ZC2HC1A: variants seen among roughly 807,000 people sequenced by gnomAD.
The protein encoded by ZC2HC1A is zinc finger C2HC domain-containing protein 1A.
In ZC2HC1A, 28 loss-of-function variants were observed where a neutral mutation model predicts 40.7. The observed-to-expected ratio is 0.69, with a 90% confidence interval of 0.51 to 0.94. The LOEUF is 0.94. Among genes scored for constraint, ZC2HC1A ranks in the 40% least tolerant of loss-of-function variants. The pLI is 0.00. For missense variants in ZC2HC1A, 389 were observed against 386.3 expected (o/e 1.01, Z -0.06); for synonymous variants, 129 against 129.2 (o/e 1.00, Z 0.01).
chr8:78,677,010 G>A (rs1284619719), intron 2 of ZC2HC1A, among the ~76,000 whole-genome samples: 4 of 151,926 alleles, frequency 2.6e-5, no homozygotes, highest in Non-Finnish European at 5.9e-5. Context: ...ATACTTAAGA[G>A]CTGTAATTAC....
At chr8:78,696,944 A>T (rs917270444) in intron 5 of ZC2HC1A, among the ~76,000 whole-genome samples, 5 of 152,176 alleles carry the variant, frequency 3.3e-5, no homozygotes, top group Non-Finnish European at 7.3e-5. Flanking sequence ...CTTAACTTTG[A>T]GGAAGTTTTT....
At chr8:78,703,184 A>C (rs891275337) in intron 7 of ZC2HC1A, among the ~76,000 whole-genome samples, 19 of 152,288 alleles carry the variant, frequency 1.2e-4, no homozygotes, top group Admixed American at 6.5e-5. Flanking sequence ...GGCATGAGCC[A>C]CCGCGCCTGG....
intron 3 of ZC2HC1A, among the ~76,000 whole-genome samples, chr8:78,682,134 C>T (rs539284844): frequency 6.6e-6 from 1 of 152,134 alleles, no homozygotes; most frequent in East Asian, 1.9e-4. Context: ...TTGGGTATCT[C>T]AATAATATTA....
rs914415096 is a variant in ZC2HC1A at position 78,666,096 on chromosome 8, G to A, written c.-53G>A. The A allele has an allele frequency of 6.4e-7, 1 of 1,555,064 alleles. No individual in the cohort carries two copies. Among genetic ancestry groups the A allele is most frequent in the African/African-American group, 1.4e-5 (1 of 73,476 alleles). On this transcript the variant is annotated 5_prime_UTR_variant, in exon 1 of 9. Transcript: ENST00000263849. ...GGCTGGGTTGCTACAGCCAGAGCTG[G>A]GCGGTGGCGGGCGCTGCTGAAGGAG...
intron 3 of ZC2HC1A, among the ~76,000 whole-genome samples, chr8:78,680,143 G>T (rs1266315549): frequency 6.6e-6 from 1 of 152,070 alleles, no homozygotes; most frequent in East Asian, 1.9e-4. Flanking sequence ...GATTACATAA[G>T]ATTATCCATG....
At chr8:78,671,640 A>G (rs1585974043) in intron 1 of ZC2HC1A, among the ~76,000 whole-genome samples, 1 of 149,604 alleles carries the variant, frequency 6.7e-6, no homozygotes, top group East Asian at 2.0e-4. Flanking sequence ...GCCTCATTTA[A>G]CTGTTGTTAA....
chr8:78,689,114 A>G, intron 4 of ZC2HC1A, 108 bp from the exon 5 acceptor site: 1 of 770,344 alleles, frequency 1.3e-6, no homozygotes, highest in Non-Finnish European at 1.8e-6. Flanking sequence ...TTTGCTTATC[A>G]GATGTTATTA....
intron 5 of ZC2HC1A, among the ~76,000 whole-genome samples, chr8:78,692,078 G>T (rs966283311): frequency 8.5e-5 from 13 of 152,052 alleles, no homozygotes; most frequent in African/African-American, 3.1e-4. Flanking sequence ...ATTTTGAAAG[G>T]TATAATACAT....
In ZC2HC1A at chr8:78,678,545, ATTTC is replaced by A; in HGVS notation, c.94-14_94-11del. On this transcript the variant is annotated splice_polypyrimidine_tract_variant and intron_variant, in intron 2 of 8. Coordinates refer to ENST00000263849, the MANE Select transcript of ZC2HC1A (RefSeq NM_016010.3). The stretch of plus-strand genomic sequence containing the variant: ...TGTAGAAAAGAAAATGATAGGCTGC[ATTTC>A]TTTATCTTAACAGAAAAAACATGGA... 1 of 1,581,502 alleles carries A rather than the reference ATTTC, an allele frequency of 6.3e-7. No individual in the cohort carries two copies. Among genetic ancestry groups the A allele is most frequent in the Non-Finnish European group, 8.6e-7 (1 of 1,161,296 alleles).
At chr8:78,683,344 C>T (rs1809852088) in intron 3 of ZC2HC1A, among the ~76,000 whole-genome samples, 1 of 152,338 alleles carries the variant, frequency 6.6e-6, no homozygotes, top group East Asian at 1.9e-4. Context: ...CAGGTGTTTC[C>T]ATACATTCTC....
intron 7 of ZC2HC1A, among the ~76,000 whole-genome samples, chr8:78,708,917 C>T (rs769644903): frequency 2.0e-5 from 3 of 152,080 alleles, no homozygotes; most frequent in African/African-American, 4.8e-5. Flanking sequence ...CCATCCACCT[C>T]GGTTTCCCAA....
intron 3 of ZC2HC1A, among the ~76,000 whole-genome samples, chr8:78,684,671 T>G (rs939807858): frequency 1.3e-5 from 2 of 152,136 alleles, no homozygotes; most frequent in African/African-American, 2.4e-5. Context: ...AGTAATGTGG[T>G]AGGTTACTAT....
intron 7 of ZC2HC1A, among the ~76,000 whole-genome samples, chr8:78,712,346 G>A (rs1810977057): frequency 6.6e-6 from 1 of 151,902 alleles, no homozygotes; most frequent in African/African-American, 2.4e-5. Flanking sequence ...TTAATTTTTT[G>A]AGGTTTCAAA....
At chr8:78,698,615 A>G in intron 7 of ZC2HC1A, 102 bp downstream of exon 7, 1 of 877,282 alleles carries the variant, frequency 1.1e-6, no homozygotes, top group Non-Finnish European at 1.6e-6. Context: ...TCATTTCCTA[A>G]GTTCATTTGT....
chr8:78,713,663 A>T (rs916846900), intron 7 of ZC2HC1A, among the ~76,000 whole-genome samples: 4 of 152,168 alleles, frequency 2.6e-5, no homozygotes, highest in Non-Finnish European at 5.9e-5. Context: ...CACCAAAGTG[A>T]TTCTTTGCTT....
intron 1 of ZC2HC1A, among the ~76,000 whole-genome samples, chr8:78,670,255 A>G (rs1809406266): frequency 6.6e-6 from 1 of 151,982 alleles, no homozygotes; most frequent in African/African-American, 2.4e-5. Flanking sequence ...GTGTGAGCCA[A>G]CGCACTCGGC....
At chr8:78,679,183 C>T (rs1250592848) in intron 3 of ZC2HC1A, 2 of 152,120 alleles carry the variant, frequency 1.3e-5, no homozygotes, top group Non-Finnish European at 2.9e-5. Flanking sequence ...ATCTGTTGTT[C>T]AGTGTCCAGA....
At chr8:78,702,325 C>G (rs867522801) in intron 7 of ZC2HC1A, among the ~76,000 whole-genome samples, 1 of 151,998 alleles carries the variant, frequency 6.6e-6, no homozygotes, top group South Asian at 2.1e-4. Context: ...CCCCTCTTGT[C>G]ATTTCTGATT....
chr8:78,670,793 G>A (rs1809419143), intron 1 of ZC2HC1A, among the ~76,000 whole-genome samples: 1 of 152,176 alleles, frequency 6.6e-6, no homozygotes, highest in Non-Finnish European at 1.5e-5. Flanking sequence ...GAACTAGAGT[G>A]TAGGTGACTA....
Sources: allele counts gnomAD v4.1 joint callset (sites outside exome capture counted in the v4.1 genomes callset), GRCh38; gene constraint gnomAD v4.1.1; transcripts MANE v1.5; gene names NCBI Gene and HGNC (gene_info 2026-07-23, HGNC 2026-07-21).